SSBP3: variants seen among roughly 807,000 people sequenced by gnomAD.
SSBP3 encodes single-stranded DNA-binding protein 3.
In SSBP3, 5 loss-of-function variants were observed where a neutral mutation model predicts 69.6. The ratio of observed to expected loss-of-function variants is 0.07; its 90% confidence interval spans 0.04 to 0.15. The LOEUF (loss-of-function observed/expected upper bound fraction) is 0.15. Ranked by LOEUF, SSBP3 falls within the 10% of genes least tolerant of loss-of-function variation. The pLI, the probability that SSBP3 is intolerant of heterozygous loss-of-function variation, is 1.00. For missense variants in SSBP3, 312 were observed against 534.0 expected (o/e 0.58, Z 4.10); for synonymous variants, 196 against 193.4 (o/e 1.01, Z -0.11).
At chr1:54,389,131 T>G (rs1648294548) in intron 4 of SSBP3, among the ~76,000 whole-genome samples, 1 of 152,208 alleles carries the variant, frequency 6.6e-6, no homozygotes, top group African/African-American at 2.4e-5. Context: ...CCTGGTGTGC[T>G]CACGTTGGTT....
At chr1:54,346,556 T>C (rs1156748939) in intron 4 of SSBP3, among the ~76,000 whole-genome samples, 5 of 152,102 alleles carry the variant, frequency 3.3e-5, no homozygotes, top group African/African-American at 1.2e-4. Context: ...GGCTCACACC[T>C]GTAATCCCAA....
intron 4 of SSBP3, among the ~76,000 whole-genome samples, chr1:54,292,356 A>G (rs1389663795): frequency 6.6e-6 from 1 of 152,212 alleles, no homozygotes; most frequent in East Asian, 1.9e-4. Context: ...CTAGGTAACC[A>G]AAAGCAAGGC....
chr1:54,240,123 A>T (rs144721772), intron 13 of SSBP3, among the ~76,000 whole-genome samples: 1 of 10,462 alleles, frequency 9.6e-5, no homozygotes, highest in East Asian at 8.5e-3. Context: ...CGCGCGCGCA[A>T]CACATGCCCA....
At chr1:54,362,593 G>A (rs893597592) in intron 4 of SSBP3, among the ~76,000 whole-genome samples, 1 of 152,202 alleles carries the variant, frequency 6.6e-6, no homozygotes, top group Admixed American at 6.5e-5. Flanking sequence ...CTACATAGGC[G>A]CAAGATATTA....
chr1:54,331,889 G>A (rs1055136130), intron 4 of SSBP3, among the ~76,000 whole-genome samples: 1 of 152,208 alleles, frequency 6.6e-6, no homozygotes, highest in African/African-American at 2.4e-5. Context: ...CTAACACAGG[G>A]TCTTTCCCAC....
At chr1:54,250,320 C>CA (rs1302525811) in intron 9 of SSBP3, among the ~76,000 whole-genome samples, 1 of 152,226 alleles carries the variant, frequency 6.6e-6, no homozygotes, top group Non-Finnish European at 1.5e-5. Context: ...AATCTTTCAA[C>CA]ACCACAGATG....
intron 4 of SSBP3, among the ~76,000 whole-genome samples, chr1:54,314,239 G>C (rs745852233): frequency 6.6e-6 from 1 of 152,206 alleles, no homozygotes; most frequent in Non-Finnish European, 1.5e-5. Flanking sequence ...TCTGGCAGGG[G>C]TAGGGGAGGA....
At chr1:54,293,751 T>C (rs1000425294) in intron 4 of SSBP3, among the ~76,000 whole-genome samples, 2 of 152,250 alleles carry the variant, frequency 1.3e-5, no homozygotes, top group Non-Finnish European at 2.9e-5. Flanking sequence ...TAGCCAGCTA[T>C]CTTCCAGGGA....
intron 4 of SSBP3, among the ~76,000 whole-genome samples, chr1:54,401,529 C>T (rs1326641216): frequency 6.6e-6 from 1 of 152,218 alleles, no homozygotes; most frequent in Non-Finnish European, 1.5e-5. Flanking sequence ...CTTAAACCAA[C>T]ACTAAAGAGG....
At chr1:54,317,134 C>T (rs1469592757) in intron 4 of SSBP3, among the ~76,000 whole-genome samples, 1 of 152,108 alleles carries the variant, frequency 6.6e-6, no homozygotes, top group Non-Finnish European at 1.5e-5. Flanking sequence ...GTGTTATGTA[C>T]AATGGCAGGG....
intron 4 of SSBP3, among the ~76,000 whole-genome samples, chr1:54,328,314 T>A (rs2100430787): frequency 6.6e-6 from 1 of 152,112 alleles, no homozygotes; most frequent in African/African-American, 2.4e-5. Flanking sequence ...GACTGCTGAG[T>A]CGCCAGCACG....
intron 4 of SSBP3, among the ~76,000 whole-genome samples, chr1:54,328,278 G>A (rs1646347185): frequency 6.6e-6 from 1 of 152,214 alleles, no homozygotes; most frequent in Admixed American, 6.5e-5. Flanking sequence ...CCCTGCCTGA[G>A]CGAGGTGTTC....
intron 4 of SSBP3, among the ~76,000 whole-genome samples, chr1:54,313,018 AG>A (rs1406815409): frequency 3.3e-4 from 42 of 128,748 alleles, no homozygotes; most frequent in African/African-American, 1.2e-3. Flanking sequence ...GTGTGCCTGG[AG>A]CTTTTTTTTT....
intron 14 of SSBP3, among the ~76,000 whole-genome samples, chr1:54,232,063 GATATT>G (rs1365008066): frequency 1.3e-5 from 2 of 152,122 alleles, no homozygotes; most frequent in African/African-American, 4.8e-5. Context: ...TCCACATGTG[GATATT>G]CAGTTGTCTC....
At chr1:54,312,544 C>T (rs895597852) in intron 4 of SSBP3, among the ~76,000 whole-genome samples, 1 of 151,804 alleles carries the variant, frequency 6.6e-6, no homozygotes, top group African/African-American at 2.4e-5. Context: ...GCTGAAATCA[C>T]GCCACTGCAC....
At chr1:54,385,866 A>G (rs1205991093) in intron 4 of SSBP3, among the ~76,000 whole-genome samples, 1 of 152,200 alleles carries the variant, frequency 6.6e-6, no homozygotes, top group East Asian at 1.9e-4. Flanking sequence ...ATTAGAACCC[A>G]GGCTGCTTAA....
In SSBP3 at chr1:54,385,669, C is replaced by T. The variant is rs78987327; in HGVS notation, c.276+16192G>A. Among the ~76,000 whole-genome samples, 4 of 152,336 alleles carry T rather than the reference C, an allele frequency of 2.6e-5. No homozygotes were observed. In the East Asian group the frequency reaches 7.7e-4, roughly 29 times the overall value. On this transcript the variant is annotated intron_variant, in intron 4 of 17. Transcript: ENST00000610401. ...ACGTGCCCCAGAATCACTCCCTAAG[C>T]ACAGATACCTTCCTTTCAGCCTCTC... is the stretch of plus-strand genomic sequence containing the variant.
At chr1:54,303,682 G>C (rs1645845174) in intron 4 of SSBP3, among the ~76,000 whole-genome samples, 1 of 152,180 alleles carries the variant, frequency 6.6e-6, no homozygotes, top group Admixed American at 6.5e-5. Flanking sequence ...GGAAGCCCTA[G>C]CCACAAGCAG....
chr1:54,247,677 A>C (rs924167070), intron 9 of SSBP3, among the ~76,000 whole-genome samples: 3 of 152,146 alleles, frequency 2.0e-5, no homozygotes, highest in Non-Finnish European at 4.4e-5. Flanking sequence ...CTCCAGCCCC[A>C]GCCTGAATAC....
Sources: allele counts gnomAD v4.1 joint callset (sites outside exome capture counted in the v4.1 genomes callset), GRCh38; gene constraint gnomAD v4.1.1; transcripts MANE v1.5; gene names NCBI Gene and HGNC (gene_info 2026-07-23, HGNC 2026-07-21).